Variants in HS1BP3 observed in about 807,000 individuals in gnomAD.
HS1BP3 encodes HCLS1 binding protein 3, also known as HCLS1-binding protein 3.
A neutral mutation model predicts 33.5 loss-of-function variants in HS1BP3; 32 were observed. The ratio of observed to expected loss-of-function variants is 0.95; its 90% CI spans 0.72 to 1.28. The LOEUF (loss-of-function observed/expected upper bound fraction) is 1.28, where lower values mean the gene tolerates loss of function less well. Among genes scored for constraint, HS1BP3 ranks in the 50% most tolerant of loss-of-function variants. HS1BP3 has a pLI of 0.00. For missense variants in HS1BP3, 486 were observed against 502.3 expected, an observed-to-expected ratio of 0.97 and a Z score of 0.31; for synonymous variants, 187 against 209.2, an observed-to-expected ratio of 0.89 and a Z score of 0.92.
At chr2:20,646,117 T>C (rs1469863489) in intron 1 of HS1BP3, among the ~76,000 whole-genome samples, 1 of 152,220 alleles carries the variant, frequency 6.6e-6, no homozygotes, top group East Asian at 1.9e-4. Context: ...ATTTGTAAAA[T>C]GCAATTCGAA....
intron 2 of HS1BP3, among the ~76,000 whole-genome samples, chr2:20,605,565 C>T (rs988230881): frequency 4.6e-5 from 7 of 152,172 alleles, no homozygotes; most frequent in East Asian, 1.9e-4. Context: ...TCATCACCCC[C>T]CAAAGGAAAA....
At chr2:20,562,961 G>A (rs1014021258) in intron 5 of HS1BP3, among the ~76,000 whole-genome samples, 7 of 152,088 alleles carry the variant, frequency 4.6e-5, no homozygotes, top group Non-Finnish European at 7.4e-5. Context: ...CCCAGTACGC[G>A]ACACCAGTAC....
At chr2:20,614,969 G>A (rs1180705556), downstream of HS1BP3, among the ~76,000 whole-genome samples, 1 of 152,248 alleles carries the variant, frequency 6.6e-6, no homozygotes, top group African/African-American at 2.4e-5. Flanking sequence ...GGGATTCTGT[G>A]TGTCGCAGCG....
intron 5 of HS1BP3, among the ~76,000 whole-genome samples, chr2:20,569,447 A>G (rs1166410587): frequency 6.6e-6 from 1 of 152,226 alleles, no homozygotes; most frequent in African/African-American, 2.4e-5. Flanking sequence ...CAAATTTGAC[A>G]AAGAAATATA....
chr2:20,597,085 C>A (rs931995346), intron 3 of HS1BP3, among the ~76,000 whole-genome samples: 1 of 152,206 alleles, frequency 6.6e-6, no homozygotes, highest in Non-Finnish European at 1.5e-5. Context: ...CACTCCAGGG[C>A]CCCAGGGTCC....
chr2:20,578,261 G>C (rs1221402830), intron 5 of HS1BP3, among the ~76,000 whole-genome samples: 1 of 152,218 alleles, frequency 6.6e-6, no homozygotes, highest in Non-Finnish European at 1.5e-5. Context: ...TGGCTCCAGG[G>C]CTGCCCTCAG....
At chr2:20,640,688 C>G in intron 3 of HS1BP3, 1 of 581,068 alleles carries the variant, frequency 1.7e-6, no homozygotes. Context: ...GTCGGGCAAG[C>G]TCTAGGAATG....
chr2:20,622,702 T>TGCTCGGCCTGGCCCTGCTGCTCCGCAG (rs1272669671), intron 6 of HS1BP3: 1 of 203,364 alleles, frequency 4.9e-6, no homozygotes, highest in African/African-American at 2.3e-5. Context: ...CTCCTAGACA[T>TGCTCGGCCTGGCCCTGCTGCTCCGCAG]GCTCGGCCTG....
At chr2:20,588,354 T>C (rs768545764), downstream of HS1BP3, among the ~76,000 whole-genome samples, 20 of 152,226 alleles carry the variant, frequency 1.3e-4, no homozygotes, top group Non-Finnish European at 2.2e-4. Flanking sequence ...GCTTGCTCTG[T>C]TGCTTAGGCT....
At chr2:20,628,847 G>A (rs747399043) in intron 4 of HS1BP3, among the ~76,000 whole-genome samples, 9 of 152,126 alleles carry the variant, frequency 5.9e-5, no homozygotes, top group Non-Finnish European at 8.8e-5. Context: ...TGCAGCGGGC[G>A]TGACTAGGAC....
chr2:20,563,926 G>A (rs116456981), intron 5 of HS1BP3, among the ~76,000 whole-genome samples: 1,531 of 152,266 alleles, frequency 0.01, 25 homozygotes, highest in African/African-American at 0.034. Context: ...TGAGAAGCTC[G>A]GGGCAATGGA....
At chr2:20,583,476 C>A (rs969551079) in intron 5 of HS1BP3, among the ~76,000 whole-genome samples, 1 of 152,176 alleles carries the variant, frequency 6.6e-6, no homozygotes, top group African/African-American at 2.4e-5. Flanking sequence ...GGACCTGTCA[C>A]CCCTGGAGGG....
At chr2:20,557,078 T>C (rs1384663548), downstream of HS1BP3, among the ~76,000 whole-genome samples, 5 of 152,232 alleles carry the variant, frequency 3.3e-5, no homozygotes, top group African/African-American at 9.6e-5. Context: ...GGGTATTTAA[T>C]TGATAGTTTG....
chr2:20,598,580 A>G, intron 2 of HS1BP3, among the ~76,000 whole-genome samples: 1 of 93,530 alleles, frequency 1.1e-5, no homozygotes, highest in African/African-American at 4.4e-5. Flanking sequence ...TTTTTTTGAG[A>G]CGGAGTCTCG....
chr2:20,588,469 C>T (rs1228926000), downstream of HS1BP3, among the ~76,000 whole-genome samples: 1 of 152,196 alleles, frequency 6.6e-6, no homozygotes, highest in East Asian at 1.9e-4. Flanking sequence ...GCACCAGCCA[C>T]CACGCCTGGC....
intron 3 of HS1BP3, 120 bp from the exon 4 acceptor site, chr2:20,638,772 G>A (rs1695248952): frequency 2.7e-6 from 2 of 748,122 alleles, no homozygotes; most frequent in South Asian, 3.6e-5. Flanking sequence ...GCAGCCTCCT[G>A]GGACCAAACT....
intron 5 of HS1BP3, among the ~76,000 whole-genome samples, chr2:20,578,044 A>G (rs1693443067): frequency 6.6e-6 from 1 of 152,214 alleles, no homozygotes; most frequent in Non-Finnish European, 1.5e-5. Context: ...ATGTCTCATC[A>G]TGATCCAGCC....
At chr2:20,649,767 G>A (rs1345418860) in intron 1 of HS1BP3, among the ~76,000 whole-genome samples, 3 of 152,186 alleles carry the variant, frequency 2.0e-5, no homozygotes, top group Admixed American at 2.0e-4. Flanking sequence ...GGGTGTGCTG[G>A]TGCCCTCAGC....
chr2:20,567,929 G>A (rs531235453), intron 5 of HS1BP3, among the ~76,000 whole-genome samples: 4 of 152,150 alleles, frequency 2.6e-5, no homozygotes, highest in African/African-American at 4.8e-5. Context: ...GGAACTCAAC[G>A]TCCCCAGGGG....
Sources: gnomAD v4.1 joint callset for allele counts (sites outside exome capture counted in the v4.1 genomes callset) on GRCh38, gnomAD v4.1.1 for gene constraint, MANE v1.5 for transcripts, NCBI Gene and HGNC (gene_info 2026-07-23, HGNC 2026-07-21) for gene names.